PXN: variants seen among roughly 807,000 people sequenced by gnomAD.
The protein encoded by PXN is testicular tissue protein Li 134.
Under a neutral mutation model 103.6 loss-of-function variants are expected in PXN, and 61 were observed. The ratio of observed to expected loss-of-function variants is 0.59; its 90% CI spans 0.48 to 0.73. The LOEUF is 0.73. Ranked by LOEUF, PXN falls within the 30% of genes least tolerant of loss-of-function variation. The pLI, the probability that PXN is intolerant of heterozygous loss-of-function variation, is 0.00. For missense variants in PXN, 1,274 were observed against 1,460.3 expected (o/e 0.87, Z 2.08); for synonymous variants, 562 against 607.8 (o/e 0.92, Z 1.11).
At chr12:120,234,894 C>T (rs957568656) in intron 1 of PXN, among the ~76,000 whole-genome samples, 1 of 152,132 alleles carries the variant, frequency 6.6e-6, no homozygotes, top group East Asian at 1.9e-4. Context: ...GGGGAGGAGT[C>T]GGAGCCAGGG....
Position 120,212,141 on chromosome 12 carries a change from G to A in PXN, c.*173C>T, listed in dbSNP as rs1880363391. On this transcript the variant is annotated 3_prime_UTR_variant, in exon 15 of 15. Coordinates refer to ENST00000637617, the MANE Select transcript of PXN (RefSeq NM_001385981.1). This position sits in a 1 kb window ranked among gnomAD's most constrained non-coding sequence, Gnocchi z 7.2. ...AGGGGGCCCAGAGGCTCTGGCAGGG[G>A]TGAAGACAAGCAGGGGGACCCCTCA... The A allele has an allele frequency of 3.1e-6, 3 of 979,162 alleles. No homozygotes were observed. Among genetic ancestry groups the A allele is most frequent in the Non-Finnish European group, 4.7e-6 (3 of 636,988 alleles). 60.7% of individuals were successfully genotyped at this position (979,162 alleles called of 1,614,324 possible).
chr12:120,265,515 G>A lies in PXN; in HGVS notation c.13+102C>T. ...AGGGACAGGAGCTGAGGCCGGGGCC[G>A]CCGAGGGTGGGATCCCGCGGCCCCT... On this transcript the variant is annotated intron_variant, in intron 1 of 14. Coordinates refer to ENST00000637617, the MANE Select transcript of PXN (RefSeq NM_001385981.1). This position sits in a 1 kb window ranked among gnomAD's most constrained non-coding sequence, Gnocchi z 5.7. 3 of 1,331,494 alleles carry A rather than the reference G, an allele frequency of 2.3e-6. No homozygotes were observed. The highest frequency in any genetic ancestry group is 2.0e-6 in the Non-Finnish European group (2 of 1,023,914). 82.5% of individuals were successfully genotyped at this position (1,331,494 alleles called of 1,614,324 possible).
At position 120,216,684 on chromosome 12, in the gene PXN, C is replaced by T; in HGVS notation, c.1993-103G>A. ...GCTCCCCCTGGGCCTTCCCACTCTG[C>T]ACCAAGAGTGGGGCCAGTCTTCCAA... On this transcript the variant is annotated intron_variant, in intron 8 of 14. Coordinates refer to ENST00000637617, the MANE Select transcript of PXN (RefSeq NM_001385981.1). This position sits in a 1 kb window ranked among gnomAD's most constrained non-coding sequence, Gnocchi z 5.1. 1 of 1,590,080 alleles carries T rather than the reference C, an allele frequency of 6.3e-7. No individual in the cohort carries two copies. The highest frequency in any genetic ancestry group is 1.7e-5 in the Admixed American group (1 of 57,692).
chr12:120,226,979 G>C (rs1337121096), intron 1 of PXN: 6 of 988,122 alleles, frequency 6.1e-6, no homozygotes, highest in East Asian at 1.1e-4. Context: ...ACAAACATCA[G>C]ATCTGATTTG....
intron 1 of PXN, among the ~76,000 whole-genome samples, chr12:120,246,921 G>A (rs995294801): frequency 9.9e-5 from 15 of 151,418 alleles, no homozygotes; most frequent in Admixed American, 2.6e-4. Flanking sequence ...CCAGCTACTC[G>A]AGAGGCTAAG....
intron 1 of PXN, among the ~76,000 whole-genome samples, chr12:120,245,819 A>T (rs1475868411): frequency 2.0e-5 from 3 of 151,896 alleles, no homozygotes; most frequent in African/African-American, 7.3e-5. Flanking sequence ...AATGCTAGAA[A>T]TATTATAGTA....
chr12:120,226,170 C>A, intron 1 of PXN: 1 of 1,207,092 alleles, frequency 8.3e-7, no homozygotes, highest in Non-Finnish European at 1.1e-6. Flanking sequence ...CTTGGCTTCA[C>A]GCAGTGTCCT....
At chr12:120,243,014 TG>T (rs950669317) in intron 1 of PXN, among the ~76,000 whole-genome samples, 3 of 152,174 alleles carry the variant, frequency 2.0e-5, no homozygotes, top group African/African-American at 7.2e-5. Context: ...TGACTGTCCT[TG>T]GCCTTGTGGC....
At chr12:120,238,369 C>T (rs1889509112) in intron 1 of PXN, among the ~76,000 whole-genome samples, 1 of 152,144 alleles carries the variant, frequency 6.6e-6, no homozygotes. Flanking sequence ...GTAAACTGAA[C>T]GGAGGTGCCT....
intron 1 of PXN, among the ~76,000 whole-genome samples, chr12:120,233,418 T>C (rs1235492207): frequency 6.6e-6 from 1 of 152,168 alleles, no homozygotes; most frequent in Non-Finnish European, 1.5e-5. Context: ...ATGATCCTCC[T>C]GCCTCAGTCT....
chr12:120,231,752 G>C (rs1007589019), intron 1 of PXN, among the ~76,000 whole-genome samples: 1 of 152,206 alleles, frequency 6.6e-6, no homozygotes, highest in Non-Finnish European at 1.5e-5. Flanking sequence ...GGTAACCAGA[G>C]ACCTGAGAAA....
chr12:120,253,221 C>T (rs968097922), intron 1 of PXN, among the ~76,000 whole-genome samples: 3 of 152,094 alleles, frequency 2.0e-5, no homozygotes, highest in African/African-American at 7.2e-5. Context: ...GCCTGTAATC[C>T]CAGCTCTTTG....
Position 120,220,317 on chromosome 12 carries a change from C to T in PXN, c.832-226G>A, listed in dbSNP as rs558186520. On this transcript the variant is annotated intron_variant, in intron 6 of 14. Coordinates refer to ENST00000637617, the MANE Select transcript of PXN (RefSeq NM_001385981.1). The surrounding 1 kb of genome is among the most constrained non-coding windows in gnomAD (Gnocchi z 6.1). Reference sequence around the variant, plus strand: ...AAGCAAGAGAAAGCAGCCACCAAGCCGTGCCTGTGGAGCCACCCAGGGAGG... The same window carrying T: ...AAGCAAGAGAAAGCAGCCACCAAGCTGTGCCTGTGGAGCCACCCAGGGAGG... Among the ~76,000 whole-genome samples, 6 of 152,208 alleles carry T rather than the reference C, an allele frequency of 3.9e-5. No individual in the cohort carries two copies. The East Asian group carries it at 7.7e-4, about 20-fold the overall frequency.
At position 120,214,262 on chromosome 12, in the gene PXN, C is replaced by A. The variant is rs1426006443; in HGVS notation, c.2749-45G>T. The A allele has an allele frequency of 6.6e-7, 1 of 1,513,086 alleles. No homozygotes were observed. The highest frequency in any genetic ancestry group is 2.0e-5 in the Admixed American group (1 of 50,944). The allele number at this position is 1,513,086 out of a possible 1,614,324, so 93.7% of individuals were successfully genotyped here. ...GATCAAGGCTGAGCTCTGGGCAGATCTCACAACTGAGACGCCCAGCAAGGC... is the reference window on the plus strand; with the variant it reads ...GATCAAGGCTGAGCTCTGGGCAGATATCACAACTGAGACGCCCAGCAAGGC... On this transcript the variant is annotated intron_variant, in intron 12 of 14. Transcript: ENST00000637617. The surrounding 1 kb of genome is among the most constrained non-coding windows in gnomAD (Gnocchi z 5.0).
intron 1 of PXN, among the ~76,000 whole-genome samples, chr12:120,251,957 G>C (rs1892266337): frequency 1.3e-5 from 2 of 152,158 alleles, no homozygotes; most frequent in Admixed American, 1.3e-4. Flanking sequence ...AAGTATTTCG[G>C]GAAAGTATGT....
At chr12:120,248,492 TCACACACACACACACACACACACA>T (rs3221954) in intron 1 of PXN, among the ~76,000 whole-genome samples, 5 of 127,842 alleles carry the variant, frequency 3.9e-5, no homozygotes, top group Non-Finnish European at 8.2e-5. Flanking sequence ...CAGATGACTT[TCACACACACACACACACACACACA>T]CACACACACA....
chr12:120,262,239 G>A lies in PXN; in HGVS notation c.13+3378C>T, dbSNP rs748764492. Among the ~76,000 whole-genome samples, 173 of 152,198 alleles carry A rather than the reference G, an allele frequency of 1.1e-3. 1 individual carries two copies. The highest frequency in any genetic ancestry group is 3.4e-4 in the Non-Finnish European group (23 of 68,044). Reference sequence around the variant, plus strand: ...CTGCTGAGAAGCTGAAAGAAGACATGTCCAGATTCCAGCAGCAACTGGGCA... The same window carrying A: ...CTGCTGAGAAGCTGAAAGAAGACATATCCAGATTCCAGCAGCAACTGGGCA... On this transcript the variant is annotated intron_variant, in intron 1 of 14. Coordinates refer to ENST00000637617, the MANE Select transcript of PXN (RefSeq NM_001385981.1).
At chr12:120,227,201 AC>A (rs1887046255) in intron 1 of PXN, 23 of 974,168 alleles carry the variant, frequency 2.4e-5, no homozygotes, top group Non-Finnish European at 2.7e-5. Flanking sequence ...GCCTGTCTCT[AC>A]AAAAAATTTA....
chr12:120,263,114 C>T (rs773652985), intron 1 of PXN, among the ~76,000 whole-genome samples: 6 of 152,240 alleles, frequency 3.9e-5, no homozygotes, highest in East Asian at 1.9e-4. Context: ...AGGAGGCACA[C>T]GGCTGAGAGC....
Sources: allele counts gnomAD v4.1 joint callset (sites outside exome capture counted in the v4.1 genomes callset), GRCh38; gene constraint gnomAD v4.1.1; non-coding constraint Gnocchi (gnomAD v3.1); transcripts MANE v1.5; gene names NCBI Gene and HGNC (gene_info 2026-07-23, HGNC 2026-07-21).